RANBP3: variants seen among roughly 807,000 people sequenced by gnomAD.
RANBP3 encodes ran-binding protein 3.
A neutral mutation model predicts 77.3 loss-of-function variants in RANBP3; 14 were observed. The ratio of observed to expected loss-of-function variants is 0.18; its 90% CI spans 0.12 to 0.28. The LOEUF is 0.28. Among genes scored for constraint, RANBP3 ranks in the 10% least tolerant of loss-of-function variants. RANBP3 has a pLI of 1.00. For missense variants in RANBP3, 586 were observed against 752.3 expected (o/e 0.78, Z 2.59); for synonymous variants, 315 against 312.4 (o/e 1.01, Z -0.09).
intron 1 of RANBP3, among the ~76,000 whole-genome samples, chr19:5,970,097 A>G (rs1599801940): frequency 6.6e-6 from 1 of 152,132 alleles, no homozygotes; most frequent in South Asian, 2.1e-4. Flanking sequence ...ACTGTTACAG[A>G]CATCTAGTGG....
At chr19:5,973,494 G>GCA (rs1568485073) in intron 1 of RANBP3, among the ~76,000 whole-genome samples, 1 of 152,210 alleles carries the variant, frequency 6.6e-6, no homozygotes, top group African/African-American at 2.4e-5. Context: ...ATCCTACAGT[G>GCA]CACAGCGCAA....
chr19:5,940,160 G>A (rs1035196636), intron 5 of RANBP3, among the ~76,000 whole-genome samples: 38 of 152,236 alleles, frequency 2.5e-4, no homozygotes, highest in African/African-American at 8.2e-4. Context: ...GTCTCTTGGG[G>A]GCTGCTGCGC....
chr19:5,967,079 C>CCAACTGATTCTTTG (rs1317316919), intron 1 of RANBP3, among the ~76,000 whole-genome samples: 1 of 152,216 alleles, frequency 6.6e-6, no homozygotes, highest in Non-Finnish European at 1.5e-5. Flanking sequence ...GGTCTGTCCT[C>CCAACTGATTCTTTG]CAACTGATTC....
intron 2 of RANBP3, among the ~76,000 whole-genome samples, chr19:5,957,033 G>A (rs1212111770): frequency 6.6e-6 from 1 of 150,712 alleles, no homozygotes; most frequent in Admixed American, 6.6e-5. Flanking sequence ...GAGTGCCGCC[G>A]CTGGGCATCA....
In RANBP3 at chr19:5,918,516, C is replaced by G. The variant is rs750943746; in HGVS notation, c.1453G>C (p.Val485Leu). The change falls in exon 15 of 17, where the codon GTG (valine) becomes CTG (leucine). Residue 485 changes from valine (V) to leucine (L), a missense_variant. Transcript: ENST00000340578. ...ITAMDTEDQGVKVFLISASSK... is the reference protein window; with the variant it reads ...ITAMDTEDQGLKVFLISASSK... ...CTCACCGAGATCAGGAAGACCTTCACGCCCTGGTCCTCGGTGTCCATGGCT... is the reference window on the plus strand; with the variant it reads ...CTCACCGAGATCAGGAAGACCTTCAGGCCCTGGTCCTCGGTGTCCATGGCT... The G allele has an allele frequency of 1.1e-5, 18 of 1,612,552 alleles. No individual in the cohort carries two copies. The Admixed American group carries it at 2.7e-4, about 24-fold the overall frequency.
chr19:5,939,646 T>G (rs1418259951), intron 5 of RANBP3, among the ~76,000 whole-genome samples: 5 of 152,044 alleles, frequency 3.3e-5, no homozygotes, highest in African/African-American at 4.8e-5. Flanking sequence ...ATGGGTGGGG[T>G]GGACGCTCAG....
rs534266217 is a variant in RANBP3, at chr19:5,948,862, C to T, written c.282+2531G>A. ...TTCAGTCCAGTACAATTCCACCAGG[C>T]TCGCAGTGAGTGCCCAGAGCTGCCT... is the stretch of plus-strand genomic sequence containing the variant. On this transcript the variant is annotated intron_variant, in intron 3 of 16. Transcript: ENST00000340578. Among the ~76,000 whole-genome samples the T allele has an allele frequency of 3.9e-5, 6 of 152,304 alleles. No individual in the cohort carries two copies. In the East Asian group the frequency reaches 1.2e-3, roughly 29 times the overall value.
chr19:5,948,267 G>A (rs1032703878), intron 3 of RANBP3, among the ~76,000 whole-genome samples: 4 of 152,124 alleles, frequency 2.6e-5, no homozygotes, highest in Admixed American at 2.6e-4. Context: ...TGGCTAACAC[G>A]GTGAAACCCT....
At chr19:5,972,308 C>T (rs1482425452) in intron 1 of RANBP3, among the ~76,000 whole-genome samples, 3 of 152,230 alleles carry the variant, frequency 2.0e-5, no homozygotes, top group African/African-American at 7.2e-5. Context: ...AGATCCATAG[C>T]TAGTGCTGTG....
chr19:5,930,246 C>T (rs1003452588), intron 8 of RANBP3, among the ~76,000 whole-genome samples: 4 of 152,216 alleles, frequency 2.6e-5, no homozygotes, highest in African/African-American at 9.7e-5. Flanking sequence ...TCCCTATTTC[C>T]AATTCAGCAA....
At chr19:5,937,939 C>A (rs569581163) in intron 5 of RANBP3, among the ~76,000 whole-genome samples, 86 of 152,308 alleles carry the variant, frequency 5.6e-4, no homozygotes, top group Non-Finnish European at 8.5e-4. Context: ...CTCACCGTGG[C>A]AGGCTCTGTG....
intron 8 of RANBP3, among the ~76,000 whole-genome samples, chr19:5,930,820 C>T (rs139873110): frequency 0.021 from 3,175 of 152,262 alleles, 35 homozygotes; most frequent in Non-Finnish European, 0.031. Flanking sequence ...CCACCTGCCG[C>T]GGCCTCCCAA....
chr19:5,960,986 G>A (rs138495050), intron 1 of RANBP3, among the ~76,000 whole-genome samples: 514 of 152,328 alleles, frequency 3.4e-3, no homozygotes, highest in Non-Finnish European at 4.4e-3. Context: ...CAGAAAGCCA[G>A]GGTGGAGTCC....
intron 5 of RANBP3, among the ~76,000 whole-genome samples, chr19:5,940,746 T>C (rs926297228): frequency 2.2e-4 from 33 of 152,222 alleles, no homozygotes; most frequent in African/African-American, 7.7e-4. Context: ...AACACTCATG[T>C]ATGTCCAAGT....
intron 3 of RANBP3, among the ~76,000 whole-genome samples, chr19:5,943,067 T>TC (rs998412671): frequency 6.6e-6 from 1 of 152,086 alleles, no homozygotes; most frequent in African/African-American, 2.4e-5. Flanking sequence ...GTTTATCCTC[T>TC]CCCCCAACAC....
At chr19:5,957,332 A>T (rs2058346531) in intron 2 of RANBP3, among the ~76,000 whole-genome samples, 1 of 152,202 alleles carries the variant, frequency 6.6e-6, no homozygotes. Context: ...GCCATGAATC[A>T]GGCGAGGTAC....
At chr19:5,925,766 C>A in intron 9 of RANBP3, 29 bp from the exon 10 acceptor site, 1 of 1,546,286 alleles carries the variant, frequency 6.5e-7, no homozygotes, top group South Asian at 1.1e-5. Context: ...GCTCAGTAAT[C>A]GGGGGTGGGG....
rs2057989667 is a variant in RANBP3, at chr19:5,931,463, G to A, written c.634C>T (p.Pro212Ser). 6.2e-7 allele frequency: 1 copy of A among 1,612,918 alleles called. No individual in the cohort carries two copies. Among genetic ancestry groups the A allele is most frequent in the Non-Finnish European group, 8.5e-7 (1 of 1,179,606 alleles). ...DCTGAVPAAS[P>S]DTAAWRSPSE... ...GGACTTCTCCATGCAGCAGTGTCAG[G>A]GGATGCTGCGGGCACTGCCCCCGTG... Residue 212 changes from proline (P) to serine (S), a missense_variant, in exon 8 of 17, where the codon CCT (proline) becomes TCT (serine). Pro to Ser is a moderately conservative substitution (Grantham distance 74, BLOSUM62 -1). Transcript: ENST00000340578.
intron 3 of RANBP3, among the ~76,000 whole-genome samples, chr19:5,946,183 A>G (rs1424017837): frequency 1.3e-5 from 2 of 152,106 alleles, no homozygotes; most frequent in Non-Finnish European, 2.9e-5. Context: ...CCCTCTCGGG[A>G]GCTACCCTGT....
Sources: allele counts gnomAD v4.1 joint callset (sites outside exome capture counted in the v4.1 genomes callset), GRCh38; gene constraint gnomAD v4.1.1; transcripts MANE v1.5; gene names NCBI Gene and HGNC (gene_info 2026-07-23, HGNC 2026-07-21).